The following MYO1B variants were observed in gnomAD, a reference collection of about 807,000 sequenced individuals.
MYO1B encodes the protein myosin IB.
A neutral mutation model predicts 159.7 loss-of-function variants in MYO1B; 72 were observed. The observed-to-expected ratio is 0.45, with a 90% CI of 0.37 to 0.55. The LOEUF is 0.55. Among genes scored for constraint, MYO1B ranks in the 20% least tolerant of loss-of-function variants. The probability of loss-of-function intolerance (pLI) is 0.00; values close to 1 mark genes in which losing one functional copy is unlikely to be tolerated. For missense variants in MYO1B, 1,062 were observed against 1,364.8 expected (o/e 0.78, Z 3.50); for synonymous variants, 468 against 473.8 (o/e 0.99, Z 0.16).
chr2:191,382,780 G>A (rs1271087559), intron 14 of MYO1B, among the ~76,000 whole-genome samples: 3 of 152,092 alleles, frequency 2.0e-5, no homozygotes, highest in Non-Finnish European at 1.5e-5. Context: ...TTGTGGTAGC[G>A]CTGGCCTGTT....
At chr2:191,265,785 A>G (rs528235868) in intron 1 of MYO1B, among the ~76,000 whole-genome samples, 2 of 152,294 alleles carry the variant, frequency 1.3e-5, no homozygotes, top group South Asian at 2.1e-4. Context: ...TGGATGTAAC[A>G]GCGGTTTATA....
chr2:191,261,586 G>C (rs1285840713), intron 1 of MYO1B, among the ~76,000 whole-genome samples: 2 of 152,178 alleles, frequency 1.3e-5, no homozygotes. Flanking sequence ...GTACCTTCTG[G>C]AACGTTGCTG....
chr2:191,256,760 AAAAAGGG>A (rs1686478831), intron 1 of MYO1B, among the ~76,000 whole-genome samples: 1 of 152,210 alleles, frequency 6.6e-6, no homozygotes, highest in African/African-American at 2.4e-5. Flanking sequence ...TTGGTTTGCT[AAAAAGGG>A]ACAGGAGAGA....
At chr2:191,281,456 G>T (rs897197) in intron 2 of MYO1B, among the ~76,000 whole-genome samples, 80,646 of 152,030 alleles carry the variant, frequency 0.53, 22,097 homozygotes, top group East Asian at 0.66. Flanking sequence ...GGTCTGACAG[G>T]CTCCGTGGGG....
At chr2:191,382,672 A>G (rs907250539) in intron 14 of MYO1B, among the ~76,000 whole-genome samples, 2 of 152,232 alleles carry the variant, frequency 1.3e-5, no homozygotes, top group East Asian at 3.8e-4. Flanking sequence ...TGTTAAGTAG[A>G]CACAGAAAGA....
chr2:191,392,211 GA>G lies in MYO1B; in HGVS notation c.2076+14del, dbSNP rs1695797368. 1 of 1,582,226 alleles carries G rather than the reference GA, an allele frequency of 6.3e-7. No individual in the cohort carries two copies. Among genetic ancestry groups the G allele is most frequent in the Non-Finnish European group, 8.7e-7 (1 of 1,155,792 alleles). ...CCGAAACCCAAGAACAGTATGTAAC[GA>G]AAACCTTTACACTCTGAACTTAAGT... On this transcript the variant is annotated intron_variant, in intron 19 of 30. Coordinates refer to ENST00000392318, the MANE Select transcript of MYO1B (RefSeq NM_001130158.3).
intron 1 of MYO1B, among the ~76,000 whole-genome samples, chr2:191,258,183 A>G (rs1250235084): frequency 2.6e-5 from 4 of 152,362 alleles, no homozygotes; most frequent in South Asian, 2.1e-4. Context: ...GTATACAGGT[A>G]CAGCCAACAC....
intron 3 of MYO1B, among the ~76,000 whole-genome samples, chr2:191,311,026 T>G (rs978285517): frequency 6.6e-6 from 1 of 152,164 alleles, no homozygotes; most frequent in Non-Finnish European, 1.5e-5. Context: ...AATACTGATT[T>G]TAACCTTTAT....
chr2:191,250,771 T>C (rs1341598434), intron 1 of MYO1B, among the ~76,000 whole-genome samples: 1 of 152,180 alleles, frequency 6.6e-6, no homozygotes, highest in Non-Finnish European at 1.5e-5. Flanking sequence ...AGGTCAAGCC[T>C]CAAAGACCCC....
intron 1 of MYO1B, among the ~76,000 whole-genome samples, chr2:191,260,588 A>G (rs1686752576): frequency 6.6e-6 from 1 of 152,180 alleles, no homozygotes; most frequent in Non-Finnish European, 1.5e-5. Context: ...CCATTTAGCT[A>G]CTTACAATAG....
Position 191,296,105 on chromosome 2 carries a change from T to C in MYO1B, c.136-6T>C, listed in dbSNP as rs1038816528. On this transcript the variant is annotated splice_region_variant and splice_polypyrimidine_tract_variant and intron_variant, in intron 2 of 30. Transcript: ENST00000392318. Reference sequence around the variant, plus strand: ...TAATGGGCATGTTTTGTTCTTTCTTTTGCAGACATACATTGGAAGTGTGGT... The same window carrying C: ...TAATGGGCATGTTTTGTTCTTTCTTCTGCAGACATACATTGGAAGTGTGGT... 6.5e-7 allele frequency: 1 copy of C among 1,541,008 alleles called. No individual in the cohort carries two copies. Among genetic ancestry groups the C allele is most frequent in the Admixed American group, 1.8e-5 (1 of 55,588 alleles).
chr2:191,376,592 A>T (rs1041071058), intron 13 of MYO1B, among the ~76,000 whole-genome samples: 3 of 152,350 alleles, frequency 2.0e-5, no homozygotes, highest in Admixed American at 1.3e-4. Context: ...GTATGTAAAA[A>T]TGTAGAAACC....
intron 11 of MYO1B, among the ~76,000 whole-genome samples, chr2:191,368,060 C>A (rs1447303010): frequency 2.6e-5 from 4 of 152,088 alleles, no homozygotes; most frequent in Admixed American, 6.5e-5. Context: ...TTCTCTAACC[C>A]TAATTGGAGT....
chr2:191,295,762 G>A (rs548642718), intron 2 of MYO1B, among the ~76,000 whole-genome samples: 1 of 152,288 alleles, frequency 6.6e-6, no homozygotes, highest in South Asian at 2.1e-4. Flanking sequence ...CTAGAATCAG[G>A]GAGAGCATGG....
Position 191,348,634 on chromosome 2 carries a change from C to T in MYO1B, c.499-1528C>T, listed in dbSNP as rs1042930970. 1.5e-4 allele frequency among the ~76,000 whole-genome samples: 23 copies of T among 152,090 alleles called. 1 individual carries two copies. Among genetic ancestry groups the T allele is most frequent in the African/African-American group, 4.8e-4 (20 of 41,396 alleles). Reference sequence around the variant, plus strand: ...CTCCTGCATCCAACCTGGGCCTGTTCCTGTGACTCTCCGGGTAGCTCTCAA... The same window carrying T: ...CTCCTGCATCCAACCTGGGCCTGTTTCTGTGACTCTCCGGGTAGCTCTCAA... On this transcript the variant is annotated intron_variant, in intron 6 of 30. Transcript: ENST00000392318.
At chr2:191,387,496 C>G in intron 17 of MYO1B, 46 bp downstream of exon 17, 1 of 1,521,426 alleles carries the variant, frequency 6.6e-7, no homozygotes, top group South Asian at 1.1e-5. Context: ...GTGAGAGCAC[C>G]CCGAAGGAAT....
chr2:191,256,224 T>C (rs977240506), intron 1 of MYO1B, among the ~76,000 whole-genome samples: 35 of 152,214 alleles, frequency 2.3e-4, no homozygotes, highest in Admixed American at 1.6e-3. Flanking sequence ...GAGACAATAC[T>C]GGTTTTTGAA....
intron 14 of MYO1B, among the ~76,000 whole-genome samples, chr2:191,382,737 G>C (rs1224261357): frequency 6.6e-6 from 1 of 152,174 alleles, no homozygotes; most frequent in Non-Finnish European, 1.5e-5. Context: ...CCAGTGGATA[G>C]ATTTTCATGT....
At chr2:191,328,415 C>A (rs1417404687) in intron 3 of MYO1B, among the ~76,000 whole-genome samples, 1 of 152,188 alleles carries the variant, frequency 6.6e-6, no homozygotes, top group African/African-American at 2.4e-5. Flanking sequence ...GTGGTCTATG[C>A]AAAATGCAAA....
Sources: allele counts gnomAD v4.1 joint callset (sites outside exome capture counted in the v4.1 genomes callset), GRCh38; gene constraint gnomAD v4.1.1; transcripts MANE v1.5; gene names NCBI Gene and HGNC (gene_info 2026-07-23, HGNC 2026-07-21).